TNRC18: variants seen among roughly 807,000 people sequenced by gnomAD.
The protein encoded by TNRC18 is trinucleotide repeat-containing gene 18 protein.
Under a neutral mutation model 226.7 loss-of-function variants are expected in TNRC18, and 69 were observed. The observed-to-expected ratio is 0.30, with a 90% CI of 0.25 to 0.37. The LOEUF (loss-of-function observed/expected upper bound fraction) is 0.37, where lower values mean the gene tolerates loss of function less well. Ranked by LOEUF, TNRC18 falls within the 10% of genes least tolerant of loss-of-function variation. The pLI is 1.00. For synonymous variants in TNRC18, 2,449 were observed against 1,927.6 expected, an observed-to-expected ratio of 1.27 and a Z score of -7.09; for missense variants, 4,754 against 4,256.6, an observed-to-expected ratio of 1.12 and a Z score of -3.25.
chr7:5,345,704 G>T lies in TNRC18; in HGVS notation c.5577C>A (p.Gly1859=), dbSNP rs769067523. ...LGARERALSP[G]LEESGLGLLA... is the part of the protein sequence containing the mutation. ...GCAGGCCCAGCCCACTCTCCTCCAG[G>T]CCCGGTGACAGGGCCCGCTCCCGGG... The change falls in exon 18 of 30, where the codon GGC becomes GGA. Residue 1859 remains glycine (G), a synonymous_variant. Coordinates refer to ENST00000430969, the MANE Select transcript of TNRC18 (RefSeq NM_001080495.3). The T allele has an allele frequency of 1.2e-5, 19 of 1,548,938 alleles. No homozygotes were observed. Among genetic ancestry groups the T allele is most frequent in the Non-Finnish European group, 1.6e-5 (18 of 1,146,814 alleles).
chr7:5,308,216 G>A lies in TNRC18; in HGVS notation c.8797C>T (p.Leu2933=), dbSNP rs778666455. ...VVGLEQYEQM[L]KTKKYQDSEG... ...CTGTCCTGGTACTTCTTGGTCTTCAGCATCTGCTCATACTGCTCCAGGCCC... is the reference window on the plus strand; with the variant it reads ...CTGTCCTGGTACTTCTTGGTCTTCAACATCTGCTCATACTGCTCCAGGCCC... Residue 2933 remains leucine, a synonymous_variant, in exon 30 of 30, where the codon CTG becomes TTG. Coordinates refer to ENST00000430969, the MANE Select transcript of TNRC18 (RefSeq NM_001080495.3). The A allele has an allele frequency of 6.2e-7, 1 of 1,611,742 alleles. No homozygotes were observed. The highest frequency in any genetic ancestry group is 1.1e-5 in the South Asian group (1 of 90,606).
At chr7:5,373,620 C>T (rs1056077284) in intron 10 of TNRC18, among the ~76,000 whole-genome samples, 2 of 152,202 alleles carry the variant, frequency 1.3e-5, no homozygotes, top group African/African-American at 2.4e-5. Context: ...GCCCCCAAAG[C>T]CACCTGCTGC....
At chr7:5,374,603 G>A in intron 9 of TNRC18, 119 bp from the exon 10 acceptor site, 3 of 1,063,816 alleles carry the variant, frequency 2.8e-6, no homozygotes, top group African/African-American at 3.4e-5. Context: ...GCAGGGCCTG[G>A]GGTCCAGGCT....
chr7:5,421,199 C>T lies in TNRC18; in HGVS notation c.48G>A (p.Pro16=). 1 of 1,376,886 alleles carries T rather than the reference C, an allele frequency of 7.3e-7. No individual in the cohort carries two copies. The allele number at this position is 1,376,886 out of a possible 1,614,324, so 85.3% of individuals were successfully genotyped here. A position where few individuals can be genotyped will look rare whatever the true frequency, so the allele number is the denominator to read the frequency against. Residue 16 remains proline (P), a synonymous_variant, in exon 2 of 30, where the codon CCG becomes CCA. Coordinates refer to ENST00000430969, the MANE Select transcript of TNRC18 (RefSeq NM_001080495.3). ...FGPQRSVHGP[P]PPLLSGLAMD... ...TGGCCAGGCCGGACAGCAGCGGCGG[C>T]GGGGGACCGTGCACGGACCGCTGGG...
At chr7:5,319,575 C>G (rs1788150870) in intron 24 of TNRC18, among the ~76,000 whole-genome samples, 1 of 152,124 alleles carries the variant, frequency 6.6e-6, no homozygotes, top group African/African-American at 2.4e-5. Context: ...GTGGTGCAAT[C>G]CTGGCTCACT....
intron 10 of TNRC18, among the ~76,000 whole-genome samples, chr7:5,371,784 A>G (rs1381834213): frequency 6.6e-6 from 1 of 151,572 alleles, no homozygotes. Flanking sequence ...AAAATCTAAC[A>G]GCAGAGCCAG....
Position 5,390,358 on chromosome 7 carries a change from CAAA to C in TNRC18, c.487+124_487+126del, listed in dbSNP as rs11295332. 89,326 of 673,376 alleles carry C rather than the reference CAAA, an allele frequency of 0.13. 2,027 individuals carry two copies. Among genetic ancestry groups the C allele is most frequent in the African/African-American group, 0.34 (13,798 of 40,568 alleles). The allele number at this position is 673,376 out of a possible 1,614,324, so 41.7% of individuals were successfully genotyped here. On this transcript the variant is annotated intron_variant, in intron 4 of 29. Transcript: ENST00000430969. ...TGGGCAACATAGTGAGACCCTGTCT[CAAA>C]AAAAAAAAAAAAAAAAAAGCCAGCA...
intron 18 of TNRC18, among the ~76,000 whole-genome samples, chr7:5,336,850 T>C (rs1447405204): frequency 1.3e-5 from 2 of 152,056 alleles, no homozygotes; most frequent in African/African-American, 4.8e-5. Flanking sequence ...AGTAAGCGAG[T>C]GAGTTTATGA....
intron 14 of TNRC18, 150 bp from the exon 15 acceptor site, chr7:5,359,719 AAAC>A: frequency 6.4e-6 from 5 of 780,352 alleles, no homozygotes; most frequent in South Asian, 4.6e-5. Context: ...GGATCTTGTA[AAAC>A]AACAGTGCTG....
intron 15 of TNRC18, 115 bp downstream of exon 15, chr7:5,359,283 C>T: frequency 1.8e-6 from 2 of 1,101,474 alleles, no homozygotes; most frequent in Non-Finnish European, 2.7e-6. Context: ...AAGACAACCA[C>T]TTCTAAGGTT....
At chr7:5,366,908 G>A (rs893474173) in intron 11 of TNRC18, among the ~76,000 whole-genome samples, 3 of 152,188 alleles carry the variant, frequency 2.0e-5, no homozygotes, top group Non-Finnish European at 4.4e-5. Flanking sequence ...CTAGGCCAGT[G>A]GTGATGGGTT....
intron 18 of TNRC18, 45 bp downstream of exon 18, chr7:5,345,517 G>GGGGGGGGGGGGGCCCCCCCCCCCCCC: frequency 5.3e-6 from 2 of 377,744 alleles, no homozygotes; most frequent in East Asian, 4.6e-5. Context: ...AATGGCGTCC[G>GGGGGGGGGGGGGCCCCCCCCCCCCCC]CCCCTCCCAC....
At chr7:5,316,861 C>T (rs553605112) in intron 24 of TNRC18, among the ~76,000 whole-genome samples, 2 of 152,190 alleles carry the variant, frequency 1.3e-5, no homozygotes, top group African/African-American at 4.8e-5. Context: ...TGCCAAGGCT[C>T]GTGCTGGAGA....
At chr7:5,323,226 C>T (rs1284866351) in intron 21 of TNRC18, among the ~76,000 whole-genome samples, 1 of 152,120 alleles carries the variant, frequency 6.6e-6, no homozygotes, top group African/African-American at 2.4e-5. Context: ...CACGATTTCG[C>T]CTCTGGGCTA....
rs1406169595 is a variant in TNRC18 at position 5,332,679 on chromosome 7, G to T, written c.6090C>A (p.Gly2030=). The change falls in exon 19 of 30, where the codon GGC becomes GGA. Residue 2030 remains glycine, a synonymous_variant. Transcript: ENST00000430969. ...CGGCGTCCTTGCGCGGGCTCAGGGGGCCGCCCTTGGCGCAGCGGCTGGTCT... is the reference window on the plus strand; with the variant it reads ...CGGCGTCCTTGCGCGGGCTCAGGGGTCCGCCCTTGGCGCAGCGGCTGGTCT... The part of the protein sequence containing the change: ...ATKTSRCAKG[G]PLSPRKDAGR... The T allele has an allele frequency of 1.3e-6, 2 of 1,529,454 alleles. No individual in the cohort carries two copies. Among genetic ancestry groups the T allele is most frequent in the Non-Finnish European group, 1.8e-6 (2 of 1,141,166 alleles). The allele number at this position is 1,529,454 out of a possible 1,614,324, so 94.7% of individuals were successfully genotyped here.
intron 18 of TNRC18, among the ~76,000 whole-genome samples, chr7:5,337,866 C>G (rs911570193): frequency 2.0e-5 from 3 of 151,924 alleles, no homozygotes; most frequent in Non-Finnish European, 4.4e-5. Flanking sequence ...GCCTGTAATC[C>G]TAGCTACTTG....
At chr7:5,368,388 C>T (rs947316979) in intron 11 of TNRC18, among the ~76,000 whole-genome samples, 9 of 151,154 alleles carry the variant, frequency 6.0e-5, no homozygotes, top group Admixed American at 4.0e-4. Context: ...AGTGTCCGGG[C>T]GCGGTGGCTC....
At chr7:5,354,142 G>A (rs1227644652) in intron 16 of TNRC18, among the ~76,000 whole-genome samples, 7 of 152,044 alleles carry the variant, frequency 4.6e-5, no homozygotes, top group Non-Finnish European at 8.8e-5. Flanking sequence ...GGCGGAGGTC[G>A]CAGTGAGCCG....
chr7:5,403,849 T>C (rs1041226451), intron 2 of TNRC18, among the ~76,000 whole-genome samples: 2 of 151,138 alleles, frequency 1.3e-5, no homozygotes, highest in Non-Finnish European at 2.9e-5. Flanking sequence ...GAGCATCTCA[T>C]AGACTCAGTC....
Sources: gnomAD v4.1 joint callset for allele counts (sites outside exome capture counted in the v4.1 genomes callset) on GRCh38, gnomAD v4.1.1 for gene constraint, MANE v1.5 for transcripts, NCBI Gene and HGNC (gene_info 2026-07-23, HGNC 2026-07-21) for gene names.